RIGI: variants seen among roughly 807,000 people sequenced by gnomAD.
RIGI encodes the protein RNA sensor RIG-I.
chr9:32,505,171 G>C, the RIGI span, among the ~76,000 whole-genome samples: 529 of 150,332 alleles, frequency 3.5e-3, no homozygotes, highest in African/African-American at 8.1e-3. Context: ...ATAGGGAATA[G>C]AGAAAAACTT....
the RIGI span, among the ~76,000 whole-genome samples, chr9:32,486,591 G>A: frequency 6.6e-6 from 1 of 151,196 alleles, no homozygotes; most frequent in Non-Finnish European, 1.5e-5. Flanking sequence ...GAGTAGTCAT[G>A]TATATTCCAT....
chr9:32,524,998 T>A, the RIGI span, among the ~76,000 whole-genome samples: 1 of 152,156 alleles, frequency 6.6e-6, no homozygotes, highest in African/African-American at 2.4e-5. Context: ...TGCCACCAAA[T>A]GGTTTGCTGA....
At chr9:32,484,663 C>T in the RIGI span, among the ~76,000 whole-genome samples, 26 of 152,230 alleles carry the variant, frequency 1.7e-4, no homozygotes, top group Non-Finnish European at 3.4e-4. Flanking sequence ...TGGTCCTTCT[C>T]ATTCACTGGT....
chr9:32,524,595 G>A, the RIGI span, among the ~76,000 whole-genome samples: 190 of 82,348 alleles, frequency 2.3e-3, 2 homozygotes, highest in African/African-American at 8.7e-3. Context: ...TTTGTTTTTC[G>A]GTTTTTTTTT....
the RIGI span, among the ~76,000 whole-genome samples, chr9:32,518,414 G>A: frequency 1.3e-5 from 2 of 150,504 alleles, no homozygotes; most frequent in East Asian, 1.9e-4. Flanking sequence ...GAAAAAGAAC[G>A]AAAATCCAGG....
the RIGI span, among the ~76,000 whole-genome samples, chr9:32,499,402 C>A: frequency 7.0e-6 from 1 of 142,056 alleles, no homozygotes; most frequent in African/African-American, 2.6e-5. Flanking sequence ...TTTATTCGTA[C>A]CCACATGGGC....
At chr9:32,524,815 C>T in the RIGI span, among the ~76,000 whole-genome samples, 1 of 151,932 alleles carries the variant, frequency 6.6e-6, no homozygotes, top group Non-Finnish European at 1.5e-5. Flanking sequence ...ATTGGCCAAG[C>T]TGGTCTCGAA....
At chr9:32,511,752 A>G in the RIGI span, among the ~76,000 whole-genome samples, 1 of 152,224 alleles carries the variant, frequency 6.6e-6, no homozygotes, top group Non-Finnish European at 1.5e-5. Context: ...TGAAGGAGAT[A>G]GAGACACAGA....
chr9:32,485,315 G>C, the RIGI span: 2 of 1,410,702 alleles, frequency 1.4e-6, no homozygotes, highest in African/African-American at 2.9e-5. Flanking sequence ...AAGAAAAAAA[G>C]AGTGAGTATA....
the RIGI span, among the ~76,000 whole-genome samples, chr9:32,514,252 T>C: frequency 6.6e-6 from 1 of 152,100 alleles, no homozygotes; most frequent in African/African-American, 2.4e-5. Flanking sequence ...TGTAAATCAT[T>C]CTCCTATAAA....
chr9:32,465,753 A>G, the RIGI span, among the ~76,000 whole-genome samples: 3,296 of 152,288 alleles, frequency 0.022, 53 homozygotes, highest in Middle Eastern at 0.054. Context: ...AATCTCTGCA[A>G]TGGGTCTGGA....
At chr9:32,512,501 GT>G in the RIGI span, among the ~76,000 whole-genome samples, 3 of 152,094 alleles carry the variant, frequency 2.0e-5, no homozygotes, top group Admixed American at 2.0e-4. Context: ...AGAAAACGCC[GT>G]TGATAAAATT....
the RIGI span, chr9:32,457,013 A>C: frequency 7.2e-6 from 6 of 830,352 alleles, no homozygotes; most frequent in Non-Finnish European, 1.1e-5. Flanking sequence ...TATTTTTAAA[A>C]AATATATTTT....
At chr9:32,520,768 T>C in the RIGI span, among the ~76,000 whole-genome samples, 1 of 152,152 alleles carries the variant, frequency 6.6e-6, no homozygotes, top group Non-Finnish European at 1.5e-5. Context: ...AGCATTACTC[T>C]ACTCTTTAAT....
chr9:32,459,161 C>T, the RIGI span, among the ~76,000 whole-genome samples: 1 of 152,172 alleles, frequency 6.6e-6, no homozygotes, highest in Non-Finnish European at 1.5e-5. Flanking sequence ...GTTTTGATTA[C>T]AGGCATGAGC....
the RIGI span, among the ~76,000 whole-genome samples, chr9:32,501,643 T>C: frequency 9.9e-5 from 15 of 152,196 alleles, no homozygotes; most frequent in African/African-American, 3.1e-4. Flanking sequence ...GTAATAAAAA[T>C]GCTACCATGG....
the RIGI span, chr9:32,489,507 C>G: frequency 9.2e-7 from 1 of 1,081,330 alleles, no homozygotes; most frequent in Non-Finnish European, 1.4e-6. Context: ...GGAATCACGG[C>G]AATAGCTACA....
the RIGI span, among the ~76,000 whole-genome samples, chr9:32,524,651 C>G: frequency 7.5e-5 from 10 of 133,764 alleles, no homozygotes; most frequent in Non-Finnish European, 1.5e-5. Flanking sequence ...CGATGTCACC[C>G]AGGCTGAGTG....
chr9:32,513,250 C>A, the RIGI span, among the ~76,000 whole-genome samples: 3 of 152,094 alleles, frequency 2.0e-5, no homozygotes. Context: ...CAAAAAAGAG[C>A]CCACATAGCC....
Sources: allele counts gnomAD v4.1 joint callset (sites outside exome capture counted in the v4.1 genomes callset), GRCh38; gene constraint gnomAD v4.1.1; transcripts MANE v1.5; gene names NCBI Gene and HGNC (gene_info 2026-07-23, HGNC 2026-07-21).